Variants in UBE3C observed in about 807,000 individuals in gnomAD.
UBE3C encodes the protein ubiquitin protein ligase E3C.
Under a neutral mutation model 129.4 loss-of-function variants are expected in UBE3C, and 42 were observed. The observed-to-expected ratio is 0.32, with a 90% CI of 0.25 to 0.42. The LOEUF (loss-of-function observed/expected upper bound fraction) is 0.42, where lower values mean the gene tolerates loss of function less well. Ranked by LOEUF, UBE3C falls within the 10% of genes least tolerant of loss-of-function variation. UBE3C has a pLI of 1.00. For synonymous variants in UBE3C, 510 were observed against 492.4 expected, an observed-to-expected ratio of 1.04 and a Z score of -0.47; for missense variants, 1,049 against 1,319.1, an observed-to-expected ratio of 0.80 and a Z score of 3.17.
chr7:157,197,441 A>G lies in UBE3C; in HGVS notation c.1332-4280A>G, dbSNP rs557780697. Among the ~76,000 whole-genome samples the G allele has an allele frequency of 7.2e-5, 11 of 152,260 alleles. No homozygotes were observed. The East Asian group carries it at 7.7e-4, about 11-fold the overall frequency. On this transcript the variant is annotated intron_variant, in intron 10 of 22. Coordinates refer to ENST00000348165, the MANE Select transcript of UBE3C (RefSeq NM_014671.3). Reference sequence around the variant, plus strand: ...GTCTATTCCTAATCCAGATTTGTCTATATTCAGGTTGGAAGACAGAATAAC... The same window carrying G: ...GTCTATTCCTAATCCAGATTTGTCTGTATTCAGGTTGGAAGACAGAATAAC...
intron 19 of UBE3C, among the ~76,000 whole-genome samples, chr7:157,251,861 G>T (rs911107254): frequency 1.2e-4 from 18 of 152,032 alleles, no homozygotes; most frequent in South Asian, 2.1e-4. Context: ...GGGGCTGGGC[G>T]CAGTGGCTCA....
At chr7:157,209,321 C>T (rs73746704) in intron 13 of UBE3C, among the ~76,000 whole-genome samples, 63 of 152,342 alleles carry the variant, frequency 4.1e-4, no homozygotes, top group African/African-American at 1.4e-3. Flanking sequence ...GCACTGAATA[C>T]AGTCCTAATG....
At chr7:157,191,335 A>G (rs1236791010) in intron 10 of UBE3C, among the ~76,000 whole-genome samples, 2 of 152,240 alleles carry the variant, frequency 1.3e-5, no homozygotes, top group African/African-American at 4.8e-5. Context: ...TTTGTCACCC[A>G]GGCTGGAGTG....
chr7:157,189,935 A>G (rs1586675167), intron 10 of UBE3C, among the ~76,000 whole-genome samples: 1 of 151,890 alleles, frequency 6.6e-6, no homozygotes, highest in Non-Finnish European at 1.5e-5. Flanking sequence ...CGAGTAGCTG[A>G]GATTACGGGC....
intron 13 of UBE3C, 87 bp from the exon 14 acceptor site, chr7:157,216,780 G>A (rs1482655018): frequency 9.4e-7 from 1 of 1,058,870 alleles, no homozygotes; most frequent in Non-Finnish European, 1.4e-6. Flanking sequence ...CCACCGCTGT[G>A]TGCTCCTCCT....
intron 22 of UBE3C, among the ~76,000 whole-genome samples, chr7:157,262,406 A>G (rs1796939761): frequency 8.4e-5 from 4 of 47,718 alleles, no homozygotes; most frequent in Non-Finnish European, 1.4e-4. Context: ...GTCTCTTCAT[A>G]GGCTTTTTTT....
chr7:157,160,586 C>T (rs375794188), intron 1 of UBE3C, among the ~76,000 whole-genome samples: 16 of 152,128 alleles, frequency 1.1e-4, no homozygotes, highest in East Asian at 7.7e-4. Context: ...TTCATTATGC[C>T]GTTATGTTTT....
At chr7:157,167,768 C>T (rs1367097214) in intron 2 of UBE3C, among the ~76,000 whole-genome samples, 3 of 151,606 alleles carry the variant, frequency 2.0e-5, no homozygotes, top group Admixed American at 1.3e-4. Flanking sequence ...GATCTCCTGA[C>T]CTTGTGATCC....
chr7:157,267,922 G>A lies in UBE3C; in HGVS notation c.*167G>A, dbSNP rs757934547. The A allele has an allele frequency of 1.1e-5, 6 of 533,840 alleles. No individual in the cohort carries two copies. The highest frequency in any genetic ancestry group is 5.9e-5 in the African/African-American group (3 of 50,442). 33.1% of individuals were successfully genotyped at this position (533,840 alleles called of 1,614,324 possible). On this transcript the variant is annotated 3_prime_UTR_variant, in exon 23 of 23. Coordinates refer to ENST00000348165, the MANE Select transcript of UBE3C (RefSeq NM_014671.3). ...TCCTTTTTTAAATGATTTTTATTAC[G>A]GTGTGGTCACTTATTTAGATGGACA...
At chr7:157,177,113 T>G (rs899403476) in intron 5 of UBE3C, among the ~76,000 whole-genome samples, 2 of 152,182 alleles carry the variant, frequency 1.3e-5, no homozygotes, top group African/African-American at 4.8e-5. Flanking sequence ...CTACCAAACT[T>G]AGGACAGCAG....
At chr7:157,234,350 G>C (rs1796098776) in intron 18 of UBE3C, among the ~76,000 whole-genome samples, 1 of 152,150 alleles carries the variant, frequency 6.6e-6, no homozygotes, top group Admixed American at 6.5e-5. Context: ...AATTTTTGTA[G>C]ATTGTATGAG....
chr7:157,258,466 T>C (rs532417529), intron 22 of UBE3C, among the ~76,000 whole-genome samples: 16 of 152,120 alleles, frequency 1.1e-4, no homozygotes, highest in Non-Finnish European at 2.2e-4. Context: ...TGTTTCTTTG[T>C]TTTTGAGACG....
chr7:157,253,322 T>A (rs1301042125), intron 19 of UBE3C, among the ~76,000 whole-genome samples: 1 of 152,230 alleles, frequency 6.6e-6, no homozygotes, highest in Non-Finnish European at 1.5e-5. Context: ...TGAGCACTCT[T>A]GTGGTGTTTA....
chr7:157,155,875 G>C (rs1807889349), intron 1 of UBE3C, among the ~76,000 whole-genome samples: 1 of 151,900 alleles, frequency 6.6e-6, no homozygotes. Context: ...CGTGCACGCT[G>C]TCAGGACGAT....
At chr7:157,198,390 T>C (rs529396466) in intron 10 of UBE3C, 4 of 705,814 alleles carry the variant, frequency 5.7e-6, no homozygotes, top group Non-Finnish European at 7.8e-6. Context: ...TCCCTTTGGC[T>C]GTTTTCAAGT....
intron 14 of UBE3C, among the ~76,000 whole-genome samples, chr7:157,218,671 C>A (rs150285052): frequency 6.6e-6 from 1 of 152,154 alleles, no homozygotes; most frequent in East Asian, 1.9e-4. Context: ...GCAAAAGAAG[C>A]AGTCCTGGCA....
intron 4 of UBE3C, among the ~76,000 whole-genome samples, chr7:157,171,386 C>T (rs1808361780): frequency 6.6e-6 from 1 of 151,892 alleles, no homozygotes; most frequent in Non-Finnish European, 1.5e-5. Context: ...CCTCATCCTC[C>T]CAAAGTGGTA....
chr7:157,226,613 C>T (rs572470195), intron 17 of UBE3C, among the ~76,000 whole-genome samples: 3 of 152,172 alleles, frequency 2.0e-5, no homozygotes, highest in East Asian at 1.9e-4. Flanking sequence ...GGAAATGAAA[C>T]CTGATTTCTA....
At chr7:157,213,959 T>C (rs1263018053) in intron 13 of UBE3C, among the ~76,000 whole-genome samples, 1 of 152,200 alleles carries the variant, frequency 6.6e-6, no homozygotes, top group African/African-American at 2.4e-5. Flanking sequence ...AATGTATTAT[T>C]TGATATAAAT....
Sources: gnomAD v4.1 joint callset for allele counts (sites outside exome capture counted in the v4.1 genomes callset) on GRCh38, gnomAD v4.1.1 for gene constraint, MANE v1.5 for transcripts, NCBI Gene and HGNC (gene_info 2026-07-23, HGNC 2026-07-21) for gene names.